The following DCDC1 variants were observed in gnomAD, a reference collection of about 807,000 sequenced individuals.
DCDC1 encodes the protein doublecortin domain containing 1, also known as doublecortin domain-containing protein 1.
A neutral mutation model predicts 178.3 loss-of-function variants in DCDC1; 200 were observed. The ratio of observed to expected loss-of-function variants is 1.12; its 90% CI spans 1.00 to 1.26. The LOEUF (loss-of-function observed/expected upper bound fraction) is 1.26, where lower values mean the gene tolerates loss of function less well. DCDC1 is among the 50% of genes most tolerant of loss of function. DCDC1 has a pLI of 0.00. For missense variants in DCDC1, 1,983 were observed against 1,749.2 expected (o/e 1.13, Z -2.38); for synonymous variants, 690 against 604.8 (o/e 1.14, Z -2.07).
chr11:30,938,717 C>T (rs564507062), intron 21 of DCDC1, among the ~76,000 whole-genome samples: 6 of 152,214 alleles, frequency 3.9e-5, no homozygotes, highest in East Asian at 3.9e-4. Context: ...GGCATACTAA[C>T]GGGGTCTTTG....
chr11:31,356,071 C>G (rs1951339179), intron 1 of DCDC1, among the ~76,000 whole-genome samples: 1 of 152,098 alleles, frequency 6.6e-6, no homozygotes, highest in Non-Finnish European at 1.5e-5. Context: ...TCCCCTCTTA[C>G]CTTAGGTCAT....
chr11:31,347,708 C>A (rs1950884979), intron 1 of DCDC1, among the ~76,000 whole-genome samples: 1 of 152,022 alleles, frequency 6.6e-6, no homozygotes, highest in Non-Finnish European at 1.5e-5. Flanking sequence ...GTTGTAAGAA[C>A]CAGAGTTCAG....
intron 3 of DCDC1, among the ~76,000 whole-genome samples, chr11:31,316,117 G>A (rs1449093502): frequency 3.3e-5 from 3 of 91,312 alleles, no homozygotes; most frequent in East Asian, 2.4e-4. Context: ...ATAAACATAC[G>A]TGTGCATGTG....
chr11:30,898,719 A>C (rs1221194763), intron 34 of DCDC1, among the ~76,000 whole-genome samples: 1 of 152,220 alleles, frequency 6.6e-6, no homozygotes, highest in Admixed American at 6.5e-5. Flanking sequence ...TTCTTTTGGT[A>C]AGAACTGGGT....
chr11:31,193,463 A>C (rs1970355056), intron 9 of DCDC1, among the ~76,000 whole-genome samples: 1 of 152,106 alleles, frequency 6.6e-6, no homozygotes, highest in South Asian at 2.1e-4. Flanking sequence ...ATGCTCAATC[A>C]GTAAGTATAA....
At chr11:31,310,819 T>A (rs944719504) in intron 3 of DCDC1, among the ~76,000 whole-genome samples, 3 of 152,128 alleles carry the variant, frequency 2.0e-5, no homozygotes, top group Non-Finnish European at 4.4e-5. Flanking sequence ...AGAGGCACAC[T>A]TAGGCTTCAA....
intron 36 of DCDC1, among the ~76,000 whole-genome samples, chr11:30,888,060 A>AAGAAAGAAAGAGAGAGAG (rs756638479): frequency 2.7e-5 from 2 of 73,456 alleles, no homozygotes; most frequent in African/African-American, 1.4e-4. Flanking sequence ...GAAAGAAAGA[A>AAGAAAGAAAGAGAGAGAG]AGAGAGAGAG....
rs530745158 is a variant in DCDC1 at position 30,993,725 on chromosome 11, T to C, written c.2592-41157A>G. Among the ~76,000 whole-genome samples the C allele has an allele frequency of 5.3e-5, 8 of 152,220 alleles. No homozygotes were observed. The South Asian group carries it at 1.7e-3, about 32-fold the overall frequency. ...TGACAAATTAAAATATAACAACTAT[T>C]TGAAAGACAAGAACTACAAATCTCT... is the stretch of plus-strand genomic sequence containing the variant. On this transcript the variant is annotated intron_variant, in intron 20 of 38. Transcript: ENST00000684477.
chr11:31,252,227 A>C (rs970689326), intron 8 of DCDC1, among the ~76,000 whole-genome samples: 2 of 152,150 alleles, frequency 1.3e-5, no homozygotes, highest in African/African-American at 4.8e-5. Context: ...TGGACAAGGT[A>C]AAGTTGGAAT....
At chr11:31,330,229 C>T (rs572811283) in intron 2 of DCDC1, among the ~76,000 whole-genome samples, 1 of 125,230 alleles carries the variant, frequency 8.0e-6, no homozygotes, top group African/African-American at 3.4e-5. Flanking sequence ...TATCCTACGC[C>T]CACTTTTTGA....
intron 20 of DCDC1, among the ~76,000 whole-genome samples, chr11:31,035,838 A>G (rs577759809): frequency 1.3e-5 from 2 of 152,208 alleles, no homozygotes; most frequent in Admixed American, 6.5e-5. Context: ...TTCTACATTT[A>G]TAACTGGAAT....
intron 16 of DCDC1, among the ~76,000 whole-genome samples, chr11:31,093,350 C>G (rs567054803): frequency 6.6e-6 from 1 of 152,236 alleles, no homozygotes; most frequent in East Asian, 1.9e-4. Context: ...TGGGTGACTT[C>G]GCATTCACAG....
At chr11:30,973,529 A>G (rs558446121) in intron 20 of DCDC1, among the ~76,000 whole-genome samples, 35 of 152,292 alleles carry the variant, frequency 2.3e-4, no homozygotes, top group African/African-American at 8.2e-4. Context: ...CTATAAAGAC[A>G]CATATAGTCT....
chr11:31,309,142 T>TGTGTGTGTG (rs1555173338), intron 3 of DCDC1, among the ~76,000 whole-genome samples: 38,856 of 147,840 alleles, frequency 0.26, 5,746 homozygotes, highest in Non-Finnish European at 0.34. Flanking sequence ...AAATAGATGT[T>TGTGTGTGTG]TGTGTGTGTG....
intron 9 of DCDC1, among the ~76,000 whole-genome samples, chr11:31,177,004 T>C (rs1968126549): frequency 6.6e-6 from 1 of 152,168 alleles, no homozygotes; most frequent in African/African-American, 2.4e-5. Flanking sequence ...AAACTCATAA[T>C]ACCCCAGTAA....
At chr11:31,358,943 A>G (rs1031773627) in intron 1 of DCDC1, among the ~76,000 whole-genome samples, 6 of 152,174 alleles carry the variant, frequency 3.9e-5, no homozygotes, top group East Asian at 1.9e-4. Context: ...AACAGGTGCT[A>G]GAGAGGATGT....
chr11:31,004,381 G>A (rs1443226762), intron 20 of DCDC1, among the ~76,000 whole-genome samples: 1 of 151,956 alleles, frequency 6.6e-6, no homozygotes, highest in Non-Finnish European at 1.5e-5. Context: ...TCACTGGAAT[G>A]TAGCATTTAA....
chr11:31,283,880 T>C (rs1565547625), intron 7 of DCDC1, among the ~76,000 whole-genome samples: 1 of 152,138 alleles, frequency 6.6e-6, no homozygotes, highest in South Asian at 2.1e-4. Flanking sequence ...AAATTTCAGC[T>C]ACCTAGAACT....
chr11:31,123,652 A>G (rs1200325423), intron 11 of DCDC1, among the ~76,000 whole-genome samples: 2 of 152,004 alleles, frequency 1.3e-5, no homozygotes, highest in Non-Finnish European at 2.9e-5. Context: ...AGAGGAACTT[A>G]TTTTCTGAGA....
Sources: allele counts gnomAD v4.1 joint callset (sites outside exome capture counted in the v4.1 genomes callset), GRCh38; gene constraint gnomAD v4.1.1; transcripts MANE v1.5; gene names NCBI Gene and HGNC (gene_info 2026-07-23, HGNC 2026-07-21).